Variants in MYOM2 observed in about 807,000 individuals in gnomAD.
The protein encoded by MYOM2 is myomesin 2.
A neutral mutation model predicts 187.6 loss-of-function variants in MYOM2; 254 were observed. The observed-to-expected ratio is 1.35, with a 90% CI of 1.22 to 1.50. The LOEUF (loss-of-function observed/expected upper bound fraction) is 1.50. MYOM2 is among the 40% of genes most tolerant of loss of function. MYOM2 has a pLI of 0.00. For missense variants in MYOM2, 2,796 were observed against 1,924.0 expected (o/e 1.45, Z -8.48); for synonymous variants, 981 against 753.8 (o/e 1.30, Z -4.94).
At position 2,060,304 on chromosome 8, in the gene MYOM2, C is replaced by T. The variant is rs535116819; in HGVS notation, c.653+1059C>T. 2.0e-4 allele frequency among the ~76,000 whole-genome samples: 30 copies of T among 152,240 alleles called. No individual in the cohort carries two copies. The South Asian group carries it at 5.2e-3, about 26-fold the overall frequency. The stretch of plus-strand genomic sequence containing the variant: ...CATGTGACTTTGAATAAGCCATTAA[C>T]GCCTCCTGAAAACAATTATCAAGAG... On this transcript the variant is annotated intron_variant, in intron 6 of 36. Transcript: ENST00000262113.
chr8:2,069,092 TATA>T (rs1819124258), intron 6 of MYOM2, among the ~76,000 whole-genome samples, 183 bp from the exon 7 acceptor site: 1 of 152,230 alleles, frequency 6.6e-6, no homozygotes, highest in Admixed American at 6.5e-5. Context: ...CATCTGTGTC[TATA>T]ATTAATACCG....
chr8:2,062,002 G>A (rs138878955), intron 6 of MYOM2, among the ~76,000 whole-genome samples: 24 of 152,320 alleles, frequency 1.6e-4, no homozygotes, highest in African/African-American at 5.3e-4. Flanking sequence ...GGCCCGTTGT[G>A]GTGTGAAATA....
chr8:2,117,788 C>A, intron 27 of MYOM2, 97 bp from the exon 28 acceptor site: 1 of 718,282 alleles, frequency 1.4e-6, no homozygotes, highest in Non-Finnish European at 2.3e-6. Flanking sequence ...ATATACACAC[C>A]ATGCATATAT....
intron 18 of MYOM2, among the ~76,000 whole-genome samples, chr8:2,097,676 G>A (rs540943275): frequency 1.1e-3 from 172 of 152,126 alleles, no homozygotes; most frequent in Middle Eastern, 3.4e-3. Context: ...CACCACGCCC[G>A]GCTAATTTTT....
In MYOM2 at chr8:2,145,093, A is replaced by T; in HGVS notation, c.*112A>T. ...CGAGTGGTGTCCTGTGTGGGCTGAT[A>T]GTTGATCACACATTGTGCTTTTGAT... is the stretch of plus-strand genomic sequence containing the variant. On this transcript the variant is annotated 3_prime_UTR_variant, in exon 37 of 37. Transcript: ENST00000262113. 2.6e-6 allele frequency: 3 copies of T among 1,140,774 alleles called. No homozygotes were observed. The highest frequency in any genetic ancestry group is 3.8e-6 in the Non-Finnish European group (3 of 797,344). 70.7% of individuals were successfully genotyped at this position (1,140,774 alleles called of 1,614,324 possible). A position where few individuals can be genotyped will look rare whatever the true frequency, so the allele number is the denominator to read the frequency against.
chr8:2,128,308 C>G (rs545435572), intron 31 of MYOM2, among the ~76,000 whole-genome samples: 1 of 152,006 alleles, frequency 6.6e-6, no homozygotes, highest in East Asian at 1.9e-4. Flanking sequence ...AAGTTGCTTC[C>G]CAAAATGAAA....
rs74472169 is a variant in MYOM2 at position 2,084,464 on chromosome 8, A to G, written c.1517-799A>G. 1.6e-3 allele frequency among the ~76,000 whole-genome samples: 239 copies of G among 152,330 alleles called. 3 individuals carry two copies. The East Asian group carries it at 0.033, about 21-fold the overall frequency. ...GGGGAGGTTTCAGACCGTTTTAATC[A>G]TGTGCTAATCTAATTGAAGGTTCAT... On this transcript the variant is annotated intron_variant, in intron 13 of 36. Transcript: ENST00000262113.
chr8:2,088,341 A>G (rs1796166916), intron 14 of MYOM2, among the ~76,000 whole-genome samples: 1 of 152,164 alleles, frequency 6.6e-6, no homozygotes, highest in Non-Finnish European at 1.5e-5. Context: ...TGACAGGGGT[A>G]TGTTGTGTGA....
At chr8:2,098,819 C>G (rs1269687744) in intron 18 of MYOM2, 38 bp from the exon 19 acceptor site, 2 of 1,584,018 alleles carry the variant, frequency 1.3e-6, no homozygotes, top group South Asian at 1.1e-5. Context: ...GTAAGGCATC[C>G]TTTATCTCAT....
chr8:2,099,318 G>T (rs1443533538), intron 19 of MYOM2, among the ~76,000 whole-genome samples: 1 of 152,216 alleles, frequency 6.6e-6, no homozygotes, highest in Non-Finnish European at 1.5e-5. Context: ...TTTGGCCCAG[G>T]TCACCTACCC....
chr8:2,124,279 C>G, intron 31 of MYOM2, 62 bp downstream of exon 31: 1 of 1,497,204 alleles, frequency 6.7e-7, no homozygotes, highest in Non-Finnish European at 9.2e-7. Context: ...TTTCCTGACA[C>G]GGGAAGTCAC....
chr8:2,124,259 G>A, intron 31 of MYOM2, 42 bp downstream of exon 31: 2 of 1,571,416 alleles, frequency 1.3e-6, no homozygotes, highest in Non-Finnish European at 1.7e-6. Flanking sequence ...TTGGGGTGCT[G>A]AAATCACTAT....
chr8:2,075,250 T>A (rs1819378384), intron 10 of MYOM2, among the ~76,000 whole-genome samples: 1 of 152,078 alleles, frequency 6.6e-6, no homozygotes. Flanking sequence ...GCGTTAAATG[T>A]CCCTTCCGTC....
intron 19 of MYOM2, among the ~76,000 whole-genome samples, chr8:2,099,882 T>C (rs192491072): frequency 6.6e-6 from 1 of 152,238 alleles, no homozygotes; most frequent in Non-Finnish European, 1.5e-5. Flanking sequence ...TGTTTTCCAA[T>C]GTTATGGCCA....
intron 23 of MYOM2, among the ~76,000 whole-genome samples, chr8:2,108,486 A>G (rs959904782): frequency 5.9e-5 from 9 of 151,954 alleles, no homozygotes; most frequent in African/African-American, 2.2e-4. Context: ...ACTCCCTTTA[A>G]CCTTTCGTCT....
rs768968534 is a variant in MYOM2, at chr8:2,092,397, C to A, written c.1880C>A (p.Ser627Ter). 2 of 1,614,148 alleles carry A rather than the reference C, an allele frequency of 1.2e-6. No homozygotes were observed. Among genetic ancestry groups the A allele is most frequent in the African/African-American group, 2.7e-5 (2 of 75,044 alleles). Residue 627 changes from serine to a stop codon, truncating the protein, a stop_gained, in exon 16 of 37, where the codon TCG becomes TAG. Coordinates refer to ENST00000262113, the MANE Select transcript of MYOM2 (RefSeq NM_003970.4). LOFTEE classifies it high-confidence loss of function. ...RVLASRNTKT[S>*]VVVQWDRPKH... The stretch of plus-strand genomic sequence containing the variant: ...CTTGCTTCCCGAAACACCAAGACGT[C>A]GGTGGTGGTGCAGTGGGACCGACCT...
intron 31 of MYOM2, among the ~76,000 whole-genome samples, chr8:2,128,385 C>T (rs748782117): frequency 1.8e-4 from 27 of 152,194 alleles, no homozygotes; most frequent in Non-Finnish European, 3.2e-4. Context: ...TCTTATTTTC[C>T]ATTATCTGTG....
intron 6 of MYOM2, among the ~76,000 whole-genome samples, chr8:2,060,901 AG>A (rs1352078974): frequency 6.6e-6 from 1 of 152,086 alleles, no homozygotes; most frequent in Admixed American, 6.6e-5. Context: ...TGAGTACAGC[AG>A]GAAAGTGGGA....
chr8:2,065,004 A>G (rs553707837), intron 6 of MYOM2, among the ~76,000 whole-genome samples: 2 of 152,352 alleles, frequency 1.3e-5, no homozygotes, highest in South Asian at 2.1e-4. Context: ...TCATCTTTGA[A>G]CTTTTGGTTC....
Sources: allele counts gnomAD v4.1 joint callset (sites outside exome capture counted in the v4.1 genomes callset), GRCh38; gene constraint gnomAD v4.1.1; transcripts MANE v1.5; gene names NCBI Gene and HGNC (gene_info 2026-07-23, HGNC 2026-07-21).